The following KIAA1671 variants were observed in gnomAD, a reference collection of about 807,000 sequenced individuals.
KIAA1671 encodes the protein KIAA1671.
KIAA1671 carries 52 observed loss-of-function variants against 131.2 expected under a neutral mutation model. That is an observed-to-expected ratio of 0.40 (90% CI 0.32 to 0.50). The LOEUF (loss-of-function observed/expected upper bound fraction) is 0.50. Among genes scored for constraint, KIAA1671 ranks in the 20% least tolerant of loss-of-function variants. The pLI, the probability that KIAA1671 is intolerant of heterozygous loss-of-function variation, is 0.73. For synonymous variants in KIAA1671, 1,003 were observed against 961.6 expected (o/e 1.04, Z -0.80); for missense variants, 2,360 against 2,364.2 (o/e 1.00, Z 0.04).
chr22:24,970,377 G>A (rs1217849385), intron 1 of KIAA1671, among the ~76,000 whole-genome samples: 2 of 152,250 alleles, frequency 1.3e-5, no homozygotes, highest in Non-Finnish European at 1.5e-5. Context: ...AGGTCATGGA[G>A]CCTGGTTTTC....
chr22:25,043,708 C>T (rs899020805), intron 5 of KIAA1671, among the ~76,000 whole-genome samples: 3 of 152,060 alleles, frequency 2.0e-5, no homozygotes, highest in Non-Finnish European at 4.4e-5. Flanking sequence ...GAGGGTTGGC[C>T]ATGCTTTTGG....
At chr22:24,963,886 G>A (rs1922151648) in intron 1 of KIAA1671, among the ~76,000 whole-genome samples, 1 of 148,982 alleles carries the variant, frequency 6.7e-6, no homozygotes, top group Non-Finnish European at 1.5e-5. Context: ...CTTGCAGTGA[G>A]CCAAGATCAC....
intron 1 of KIAA1671, among the ~76,000 whole-genome samples, chr22:25,002,603 C>T (rs950646419): frequency 5.3e-5 from 8 of 152,178 alleles, no homozygotes; most frequent in Non-Finnish European, 8.8e-5. Flanking sequence ...CCACCTTCTG[C>T]ATCTAGAGGT....
At position 25,040,550 on chromosome 22, in the gene KIAA1671, T is replaced by C. The variant is rs368972759; in HGVS notation, c.3420T>C (p.Pro1140=). The change falls in exon 5 of 13, where the codon CCT becomes CCC. Residue 1140 remains proline (P), a synonymous_variant. Transcript: ENST00000358431. ...GTCATCGGGGATCAGAAGATGGCCC[T>C]CGTCCTCAAAGCAATTGGAAGGAAA... The part of the protein sequence containing the change: ...LWSHRGSEDG[P]RPQSNWKESA... 7.2e-5 allele frequency: 111 copies of C among 1,551,786 alleles called. 1 individual carries two copies. In the African/African-American group the frequency reaches 1.2e-3, roughly 17 times the overall value.
At chr22:24,981,262 T>C (rs1923221911) in intron 1 of KIAA1671, among the ~76,000 whole-genome samples, 2 of 152,130 alleles carry the variant, frequency 1.3e-5, no homozygotes, top group Admixed American at 1.3e-4. Context: ...AAATACTTTG[T>C]TCTCCCTCAC....
At position 25,028,823 on chromosome 22, in the gene KIAA1671, C is replaced by A; in HGVS notation, c.824C>A (p.Thr275Lys). Reference protein sequence around the residue: ...GKVPPTPPEKTWVRKPRPLSM... With the variant: ...GKVPPTPPEKKWVRKPRPLSM... ...GTGCCACCCACCCCTCCCGAGAAGA[C>A]GTGGGTGAGGAAGCCCAGGCCCTTG... Residue 275 changes from threonine (T) to lysine (K), a missense_variant, in exon 3 of 13, where the codon ACG (threonine) becomes AAG (lysine). Coordinates refer to ENST00000358431, the MANE Select transcript of KIAA1671 (RefSeq NM_001145206.2). 2 of 1,550,842 alleles carry A rather than the reference C, an allele frequency of 1.3e-6. No individual in the cohort carries two copies. The highest frequency in any genetic ancestry group is 2.4e-5 in the South Asian group (2 of 83,984).
In KIAA1671 at chr22:25,067,220, C is replaced by T. The variant is rs559763631; in HGVS notation, c.4530+17856C>T. 2.6e-5 allele frequency among the ~76,000 whole-genome samples: 4 copies of T among 152,216 alleles called. No homozygotes were observed. In the East Asian group the frequency reaches 5.8e-4, roughly 22 times the overall value. ...GCGGTGCTCCCCTCCCCACACCCCCCACCTGGTCCTAGATTGGCTCTGTCT... is the reference window on the plus strand; with the variant it reads ...GCGGTGCTCCCCTCCCCACACCCCCTACCTGGTCCTAGATTGGCTCTGTCT... On this transcript the variant is annotated intron_variant, in intron 6 of 12. Coordinates refer to ENST00000358431, the MANE Select transcript of KIAA1671 (RefSeq NM_001145206.2).
intron 6 of KIAA1671, among the ~76,000 whole-genome samples, chr22:25,107,506 AC>A (rs1931079273): frequency 1.0e-5 from 1 of 95,288 alleles, no homozygotes; most frequent in Non-Finnish European, 1.9e-5. Context: ...ACAGGTTCTC[AC>A]TCTGTTGCCC....
intron 6 of KIAA1671, among the ~76,000 whole-genome samples, chr22:25,129,518 A>AC (rs1055738035): frequency 1.1e-4 from 17 of 151,728 alleles, no homozygotes; most frequent in African/African-American, 4.1e-4. Flanking sequence ...AAAAAAAAAA[A>AC]AAACCCACAG....
chr22:25,005,793 G>A (rs1241330868), intron 1 of KIAA1671, among the ~76,000 whole-genome samples: 1 of 152,200 alleles, frequency 6.6e-6, no homozygotes, highest in Non-Finnish European at 1.5e-5. Flanking sequence ...TGTCTTCTCT[G>A]TTGAGAAGGC....
chr22:25,129,256 C>T (rs543035548), intron 6 of KIAA1671, among the ~76,000 whole-genome samples: 5 of 152,296 alleles, frequency 3.3e-5, no homozygotes, highest in Admixed American at 1.3e-4. Context: ...TGTTGGCTCA[C>T]GCCTGTAATC....
chr22:25,180,121 C>T (rs1380137579), intron 9 of KIAA1671, among the ~76,000 whole-genome samples: 3 of 132,554 alleles, frequency 2.3e-5, no homozygotes, highest in African/African-American at 5.4e-5. Flanking sequence ...TAAACAGTTA[C>T]GTGTTGCTCA....
intron 1 of KIAA1671, among the ~76,000 whole-genome samples, chr22:24,974,146 G>A (rs1372327554): frequency 3.9e-5 from 6 of 152,138 alleles, no homozygotes; most frequent in African/African-American, 1.4e-4. Context: ...CTTGGGTCTG[G>A]GTGGGGCAGG....
chr22:24,963,150 G>A (rs941812768), intron 1 of KIAA1671, among the ~76,000 whole-genome samples: 1 of 151,928 alleles, frequency 6.6e-6, no homozygotes, highest in African/African-American at 2.4e-5. Context: ...GATCACCTGA[G>A]GTCAGGAGTT....
At chr22:24,976,952 T>C (rs1922947090) in intron 1 of KIAA1671, among the ~76,000 whole-genome samples, 1 of 152,068 alleles carries the variant, frequency 6.6e-6, no homozygotes, top group Non-Finnish European at 1.5e-5. Flanking sequence ...AAGCCTGGGT[T>C]TGAGTCCTCT....
At chr22:24,988,014 G>C (rs913080102) in intron 1 of KIAA1671, among the ~76,000 whole-genome samples, 1 of 152,124 alleles carries the variant, frequency 6.6e-6, no homozygotes, top group African/African-American at 2.4e-5. Context: ...GGTGGTTCAC[G>C]CCTGTAATCC....
chr22:25,029,364 G>C lies in KIAA1671; in HGVS notation c.1365G>C (p.Gly455=). The part of the protein sequence containing the change: ...REDSTLALAV[G]SESPLATPAS... ...ACAGCACCTTGGCCTTGGCAGTGGG[G>C]TCTGAATCTCCCCTGGCCACCCCTG... is the stretch of plus-strand genomic sequence containing the variant. The change falls in exon 3 of 13, where the codon GGG becomes GGC. Residue 455 remains glycine (G), a synonymous_variant. Transcript: ENST00000358431. The C allele has an allele frequency of 6.4e-7, 1 of 1,551,240 alleles. No individual in the cohort carries two copies. The highest frequency in any genetic ancestry group is 2.0e-5 in the Admixed American group (1 of 50,990).
At chr22:25,119,790 G>A (rs948939593) in intron 6 of KIAA1671, among the ~76,000 whole-genome samples, 10 of 152,208 alleles carry the variant, frequency 6.6e-5, no homozygotes, top group Middle Eastern at 6.3e-3. Context: ...CAGTGCAAAG[G>A]CCCTGAGGCA....
intron 6 of KIAA1671, among the ~76,000 whole-genome samples, chr22:25,113,221 G>C (rs1160319882): frequency 6.6e-6 from 1 of 152,190 alleles, no homozygotes; most frequent in Non-Finnish European, 1.5e-5. Flanking sequence ...GAGTGGCAGA[G>C]CCAGGTCCCG....
Sources: gnomAD v4.1 joint callset for allele counts (sites outside exome capture counted in the v4.1 genomes callset) on GRCh38, gnomAD v4.1.1 for gene constraint, MANE v1.5 for transcripts, NCBI Gene and HGNC (gene_info 2026-07-23, HGNC 2026-07-21) for gene names.